Variants in LZTFL1 observed in about 807,000 individuals in gnomAD.
LZTFL1 encodes leucine zipper transcription factor like 1.
Under a neutral mutation model 45.9 loss-of-function variants are expected in LZTFL1, and 25 were observed. The ratio of observed to expected loss-of-function variants is 0.54; its 90% CI spans 0.40 to 0.76. The LOEUF is 0.76. Ranked by LOEUF, LZTFL1 falls within the 30% of genes least tolerant of loss-of-function variation. The probability of loss-of-function intolerance (pLI) is 0.00; values close to 1 mark genes in which losing one functional copy is unlikely to be tolerated. For missense variants in LZTFL1, 277 were observed against 331.1 expected (o/e 0.84, Z 1.27); for synonymous variants, 93 against 117.4 (o/e 0.79, Z 1.35).
At chr3:45,866,081 A>G (rs1352066571) in intron 2 of LZTFL1, among the ~76,000 whole-genome samples, 1 of 152,204 alleles carries the variant, frequency 6.6e-6, no homozygotes, top group East Asian at 1.9e-4. Flanking sequence ...TAGAAATGCA[A>G]ACCAAACTAT....
At chr3:45,897,861 G>A (rs1041641653) in intron 2 of LZTFL1, among the ~76,000 whole-genome samples, 111 of 151,946 alleles carry the variant, frequency 7.3e-4, no homozygotes, top group African/African-American at 2.6e-3. Flanking sequence ...TTGCTGGACC[G>A]GAGAAGCAAC....
chr3:45,854,854 T>G, intron 4 of LZTFL1: 1 of 629,736 alleles, frequency 1.6e-6, no homozygotes, highest in Non-Finnish European at 2.6e-6. Flanking sequence ...CTCAAAATCA[T>G]CACCATTCCC....
chr3:45,828,405 T>C (rs780779074), intron 8 of LZTFL1, 34 bp downstream of exon 8: 52 of 1,599,118 alleles, frequency 3.3e-5, no homozygotes, highest in Non-Finnish European at 4.4e-5. Flanking sequence ...AATCATGCAT[T>C]AACAGACAAA....
At chr3:45,897,680 C>T in intron 2 of LZTFL1, 2 of 1,365,708 alleles carry the variant, frequency 1.5e-6, no homozygotes, top group Non-Finnish European at 9.9e-7. Flanking sequence ...CCTGCCCCCT[C>T]TCATTTGTTC....
At chr3:45,883,724 T>C in intron 2 of LZTFL1, 1 of 569,734 alleles carries the variant, frequency 1.8e-6, no homozygotes, top group Non-Finnish European at 3.3e-6. Flanking sequence ...AAGCTGAAAG[T>C]GCCAAAAGGC....
chr3:45,880,795 A>G (rs537723424), intron 2 of LZTFL1, among the ~76,000 whole-genome samples: 40 of 152,216 alleles, frequency 2.6e-4, no homozygotes, highest in Non-Finnish European at 4.4e-5. Context: ...TCACTACTGT[A>G]GTGGGCCTTT....
At chr3:45,889,280 T>C (rs996389003) in intron 2 of LZTFL1, among the ~76,000 whole-genome samples, 1 of 152,028 alleles carries the variant, frequency 6.6e-6, no homozygotes, top group African/African-American at 2.4e-5. Context: ...CCATCTTGCC[T>C]GGCTTGTGTT....
chr3:45,836,350 T>C (rs1286544716), intron 2 of LZTFL1, among the ~76,000 whole-genome samples: 1 of 152,020 alleles, frequency 6.6e-6, no homozygotes, highest in East Asian at 1.9e-4. Flanking sequence ...TCATCAACAA[T>C]AGCATTAGAA....
intron 4 of LZTFL1, among the ~76,000 whole-genome samples, chr3:45,853,984 G>T (rs1398960605): frequency 6.6e-6 from 1 of 152,114 alleles, no homozygotes; most frequent in Non-Finnish European, 1.5e-5. Context: ...CTTCTCAAAA[G>T]CCATCAAATG....
intron 2 of LZTFL1, among the ~76,000 whole-genome samples, chr3:45,872,107 G>A (rs867975583): frequency 2.6e-5 from 4 of 152,214 alleles, no homozygotes; most frequent in Middle Eastern, 3.4e-3. Flanking sequence ...AGAATTTATC[G>A]CCACAGTGCA....
chr3:45,852,532 T>C (rs1238147442), intron 4 of LZTFL1, among the ~76,000 whole-genome samples: 1 of 152,130 alleles, frequency 6.6e-6, no homozygotes, highest in Non-Finnish European at 1.5e-5. Context: ...ATGGAAAAAT[T>C]TCCATAGTAT....
intron 2 of LZTFL1, among the ~76,000 whole-genome samples, chr3:45,871,113 T>C (rs1342476385): frequency 6.6e-6 from 1 of 152,256 alleles, no homozygotes; most frequent in Non-Finnish European, 1.5e-5. Flanking sequence ...ATCTCCTTGA[T>C]GAACATGTAG....
At chr3:45,835,517 C>T in intron 3 of LZTFL1, 73 bp downstream of exon 3, 1 of 1,439,908 alleles carries the variant, frequency 6.9e-7, no homozygotes, top group Non-Finnish European at 9.7e-7. Context: ...AATATGCAGC[C>T]AAAGATGTTC....
At chr3:45,854,629 T>G (rs1409897600) in intron 4 of LZTFL1, 1 of 161,664 alleles carries the variant, frequency 6.2e-6, no homozygotes, top group Non-Finnish European at 1.3e-5. Flanking sequence ...AATTTATATT[T>G]GCAGGCGCTT....
At chr3:45,904,323 T>G (rs1702636544) in intron 2 of LZTFL1, among the ~76,000 whole-genome samples, 2 of 152,220 alleles carry the variant, frequency 1.3e-5, no homozygotes, top group African/African-American at 4.8e-5. Context: ...CATTGGGACA[T>G]TACATCCTTT....
At chr3:45,895,158 G>A in intron 2 of LZTFL1, 1 of 610,840 alleles carries the variant, frequency 1.6e-6, no homozygotes, top group Non-Finnish European at 2.9e-6. Flanking sequence ...CTATGCTTTG[G>A]GGTATGTTGT....
chr3:45,823,521 C>T lies in LZTFL1; in HGVS notation c.*2793G>A, dbSNP rs1700593713. On this transcript the variant is annotated 3_prime_UTR_variant, in exon 10 of 10. Transcript: ENST00000296135. ...ATCCAAAAGACACCACAGTCCCCCACAAAAGCCTCCAAACCAGTTGTCACC... is the reference window on the plus strand; with the variant it reads ...ATCCAAAAGACACCACAGTCCCCCATAAAAGCCTCCAAACCAGTTGTCACC... The T allele has an allele frequency of 6.6e-6, 1 of 152,326 alleles. No individual in the cohort carries two copies. The highest frequency in any genetic ancestry group is 1.5e-5 in the Non-Finnish European group (1 of 68,104). The allele number at this position is 152,326 out of a possible 1,614,324, so 9.4% of individuals were successfully genotyped here.
At chr3:45,911,219 G>A (rs1702789650) in intron 2 of LZTFL1, among the ~76,000 whole-genome samples, 1 of 152,164 alleles carries the variant, frequency 6.6e-6, no homozygotes. Flanking sequence ...CTTATTGGAA[G>A]GGTGTCAAAT....
In LZTFL1 at chr3:45,897,617, C is replaced by T. The variant is rs185443208; in HGVS notation, c.-215+15503G>A. ...CCTCGCTGGCCCAGGAATCCATCTCCTTCCAGGACCTTAGCCCAGGACTAA... is the reference window on the plus strand; with the variant it reads ...CCTCGCTGGCCCAGGAATCCATCTCTTTCCAGGACCTTAGCCCAGGACTAA... On this transcript the variant is annotated intron_variant, in intron 2 of 4. Coordinates refer to the LZTFL1 transcript ENST00000472635. 3.6e-5 allele frequency: 56 copies of T among 1,535,266 alleles called. No individual in the cohort carries two copies. In the East Asian group the frequency reaches 7.3e-4, roughly 20 times the overall value.
Sources: gnomAD v4.1 joint callset for allele counts (sites outside exome capture counted in the v4.1 genomes callset) on GRCh38, gnomAD v4.1.1 for gene constraint, MANE v1.5 for transcripts, NCBI Gene and HGNC (gene_info 2026-07-23, HGNC 2026-07-21) for gene names.